Variants in OR9Q1 observed in about 807,000 individuals in gnomAD.
OR9Q1 encodes olfactory receptor family 9 subfamily Q member 1.
For missense variants in OR9Q1, 374 were observed against 378.8 expected (o/e 0.99, Z 0.11); for synonymous variants, 153 against 148.6 (o/e 1.03, Z -0.22).
chr11:58,179,287 G>C (rs958906714), intron 2 of OR9Q1, 144 bp from the exon 3 acceptor site: 4 of 567,248 alleles, frequency 7.1e-6, no homozygotes, highest in Non-Finnish European at 6.1e-6. Context: ...CGCTTCCAAA[G>C]TGCTGATATT....
At chr11:58,091,302 A>G (rs1853682151) in intron 2 of OR9Q1, among the ~76,000 whole-genome samples, 1 of 152,032 alleles carries the variant, frequency 6.6e-6, no homozygotes, top group Admixed American at 6.6e-5. Context: ...TTCGCTTCTT[A>G]ACACTAATTT....
chr11:58,098,834 A>G (rs12419427), intron 2 of OR9Q1, among the ~76,000 whole-genome samples: 25,988 of 151,906 alleles, frequency 0.17, 2,348 homozygotes, highest in Non-Finnish European at 0.21. Context: ...TTTCTTTCCT[A>G]CTACAGTCAT....
At chr11:58,168,635 A>G (rs1854527639) in intron 2 of OR9Q1, among the ~76,000 whole-genome samples, 1 of 151,930 alleles carries the variant, frequency 6.6e-6, no homozygotes, top group Non-Finnish European at 1.5e-5. Flanking sequence ...TTGGACTGGC[A>G]ATAGGTTTGT....
intron 2 of OR9Q1, among the ~76,000 whole-genome samples, chr11:58,082,826 G>T (rs1441546227): frequency 6.7e-6 from 1 of 148,268 alleles, no homozygotes; most frequent in East Asian, 2.0e-4. Flanking sequence ...TTAAGTTTTA[G>T]GGTATATGTG....
chr11:58,070,515 T>C (rs1410605675), intron 2 of OR9Q1, among the ~76,000 whole-genome samples: 2 of 152,138 alleles, frequency 1.3e-5, no homozygotes, highest in African/African-American at 2.4e-5. Context: ...TTTATGCAAA[T>C]TGGAACTCAC....
chr11:58,178,811 G>A (rs1020163738), intron 2 of OR9Q1, among the ~76,000 whole-genome samples: 2 of 150,472 alleles, frequency 1.3e-5, no homozygotes, highest in African/African-American at 2.4e-5. Context: ...ACAGGACTTC[G>A]TTGATGGCAG....
chr11:58,085,567 C>T (rs1046642547), intron 2 of OR9Q1, among the ~76,000 whole-genome samples: 1 of 151,758 alleles, frequency 6.6e-6, no homozygotes, highest in African/African-American at 2.4e-5. Flanking sequence ...TCCTCTCCCC[C>T]AAAACCTGGG....
chr11:58,108,507 G>A (rs1005635305), intron 2 of OR9Q1, among the ~76,000 whole-genome samples: 2 of 152,074 alleles, frequency 1.3e-5, no homozygotes, highest in African/African-American at 4.8e-5. Flanking sequence ...AGAGAGCGGG[G>A]AAGAAAAATG....
At chr11:58,109,282 C>T (rs774206200) in intron 2 of OR9Q1, 5 of 462,154 alleles carry the variant, frequency 1.1e-5, no homozygotes, top group South Asian at 1.5e-5. Flanking sequence ...CAGTGGATTG[C>T]TAATGGCAAC....
At chr11:58,176,890 A>G (rs1372615816) in intron 2 of OR9Q1, among the ~76,000 whole-genome samples, 28 of 152,134 alleles carry the variant, frequency 1.8e-4, no homozygotes, top group Admixed American at 1.8e-3. Context: ...GGATTTCTCC[A>G]AGCAGTGGGT....
intron 2 of OR9Q1, among the ~76,000 whole-genome samples, chr11:58,065,769 C>T (rs1186664058): frequency 1.3e-5 from 2 of 152,176 alleles, no homozygotes; most frequent in Non-Finnish European, 2.9e-5. Flanking sequence ...GGCATTGAGA[C>T]CCAGAGAGAG....
chr11:58,084,141 T>C (rs1853614010), intron 2 of OR9Q1, among the ~76,000 whole-genome samples: 1 of 151,740 alleles, frequency 6.6e-6, no homozygotes, highest in Admixed American at 6.6e-5. Flanking sequence ...CTTTCAGGAG[T>C]GTTTTGTAGT....
intron 1 of OR9Q1, among the ~76,000 whole-genome samples, chr11:58,028,736 T>C (rs749811305): frequency 6.6e-6 from 1 of 152,236 alleles, no homozygotes; most frequent in Non-Finnish European, 1.5e-5. Flanking sequence ...AATGCAATTA[T>C]GTGAGAGGAA....
chr11:58,174,442 C>G (rs1854585241), intron 2 of OR9Q1, among the ~76,000 whole-genome samples: 2 of 151,930 alleles, frequency 1.3e-5, no homozygotes, highest in Non-Finnish European at 2.9e-5. Context: ...GTGCTACAAC[C>G]TGGGGTGCTT....
chr11:58,096,739 T>C (rs917769545), intron 2 of OR9Q1, among the ~76,000 whole-genome samples: 2 of 149,522 alleles, frequency 1.3e-5, no homozygotes, highest in African/African-American at 4.9e-5. Flanking sequence ...AGTCTTGCTC[T>C]GTCACCCAGG....
At chr11:58,178,076 T>A (rs1366050939) in intron 2 of OR9Q1, among the ~76,000 whole-genome samples, 1 of 151,936 alleles carries the variant, frequency 6.6e-6, no homozygotes, top group South Asian at 2.1e-4. Context: ...GAGAGAAGCG[T>A]GAGAGGGTGA....
intron 2 of OR9Q1, among the ~76,000 whole-genome samples, chr11:58,069,369 G>T (rs1439459025): frequency 6.6e-6 from 1 of 152,122 alleles, no homozygotes; most frequent in Non-Finnish European, 1.5e-5. Context: ...CCTGCAGTGT[G>T]CAAACCTCTG....
At chr11:58,034,766 C>CCTTCCTTCCTTCCTTCCTTCCTTCCTTT (rs1565055135) in intron 1 of OR9Q1, among the ~76,000 whole-genome samples, 3 of 137,922 alleles carry the variant, frequency 2.2e-5, no homozygotes, top group Non-Finnish European at 3.1e-5. Flanking sequence ...TTCCTTCCTT[C>CCTTCCTTCCTTCCTTCCTTCCTTCCTTT]CTTCTTCCTT....
In OR9Q1 at chr11:58,164,752, G is replaced by A. The variant is rs117169535; in HGVS notation, c.-14-14679G>A. 2.2e-3 allele frequency among the ~76,000 whole-genome samples: 330 copies of A among 152,214 alleles called. 12 individuals are homozygous for A. The East Asian group carries it at 0.051, about 24-fold the overall frequency. On this transcript the variant is annotated intron_variant, in intron 2 of 2. Transcript: ENST00000335397. ...TTAATGAGCAAAAAATTCTTGCATCGTCACTTGTCAAATTGAATTATAAAA... is the reference window on the plus strand; with the variant it reads ...TTAATGAGCAAAAAATTCTTGCATCATCACTTGTCAAATTGAATTATAAAA...
Sources: allele counts gnomAD v4.1 joint callset (sites outside exome capture counted in the v4.1 genomes callset), GRCh38; gene constraint gnomAD v4.1.1; transcripts MANE v1.5; gene names NCBI Gene and HGNC (gene_info 2026-07-23, HGNC 2026-07-21).